The following CYFIP1 variants were observed in gnomAD, a reference collection of about 807,000 sequenced individuals.
CYFIP1 encodes cytoplasmic FMR1-interacting protein 1.
In CYFIP1, 58 loss-of-function variants were observed where a neutral mutation model predicts 163.5. The observed-to-expected ratio is 0.35, with a 90% CI of 0.29 to 0.44. CYFIP1 has a LOEUF of 0.44. Among genes scored for constraint, CYFIP1 ranks in the 20% least tolerant of loss-of-function variants. The probability of loss-of-function intolerance (pLI) is 1.00; values close to 1 mark genes in which losing one functional copy is unlikely to be tolerated. For missense variants in CYFIP1, 1,338 were observed against 1,653.8 expected, an observed-to-expected ratio of 0.81 and a Z score of 3.31; for synonymous variants, 663 against 660.7, an observed-to-expected ratio of 1.00 and a Z score of -0.05.
In CYFIP1 at chr15:22,869,692, A is replaced by C; in HGVS notation, c.*336T>G. On this transcript the variant is annotated 3_prime_UTR_variant, in exon 31 of 31. Transcript: ENST00000617928. ...GTTAATGGTAACTGGCAAGGGATTTAATGCATTTGCTGGTATTAAGTTTCT... is the reference window on the plus strand; with the variant it reads ...GTTAATGGTAACTGGCAAGGGATTTCATGCATTTGCTGGTATTAAGTTTCT... The C allele has an allele frequency of 5.4e-6, 1 of 185,114 alleles. No individual in the cohort carries two copies. The highest frequency in any genetic ancestry group is 1.1e-5 in the Non-Finnish European group (1 of 90,574). The allele number at this position is 185,114 out of a possible 1,614,324, so 11.5% of individuals were successfully genotyped here. A position where few individuals can be genotyped will look rare whatever the true frequency, so the allele number is the denominator to read the frequency against.
Position 22,900,399 on chromosome 15 carries a change from CTT to C in CYFIP1, c.2588+3305_2588+3306del, listed in dbSNP as rs35697922. Among the ~76,000 whole-genome samples, 136 of 135,004 alleles carry C rather than the reference CTT, an allele frequency of 1.0e-3. 4 individuals carry two copies. The South Asian group carries it at 0.01, about 10-fold the overall frequency. The allele number at this position is 135,004 out of a possible 152,430, so 88.6% of individuals were successfully genotyped here. A position where few individuals can be genotyped will look rare whatever the true frequency, so the allele number is the denominator to read the frequency against. On this transcript the variant is annotated intron_variant, in intron 22 of 30. Coordinates refer to ENST00000617928, the MANE Select transcript of CYFIP1 (RefSeq NM_014608.6). ...AACCGTAAGAGAATAAATTTCTGTT[CTT>C]TTTTTTTTTTTTTTTGAGACGGAGT...
chr15:22,908,120 CAG>C (rs962640137), intron 21 of CYFIP1, among the ~76,000 whole-genome samples: 8 of 152,152 alleles, frequency 5.3e-5, no homozygotes, highest in African/African-American at 1.9e-4. Flanking sequence ...GATAGAGACA[CAG>C]GGAAAAATGG....
chr15:22,889,853 C>T (rs538014707), intron 23 of CYFIP1, among the ~76,000 whole-genome samples: 3 of 152,322 alleles, frequency 2.0e-5, no homozygotes, highest in Admixed American at 6.5e-5. Context: ...TATTCTCACT[C>T]GCCAAACTTT....
chr15:22,875,060 C>T, intron 27 of CYFIP1, 139 bp downstream of exon 27: 5 of 730,644 alleles, frequency 6.8e-6, no homozygotes, highest in Middle Eastern at 3.3e-4. Context: ...GTTCTGTACA[C>T]TCCTCATTAC....
intron 30 of CYFIP1, among the ~76,000 whole-genome samples, chr15:22,871,555 T>C (rs2059434080): frequency 6.6e-6 from 1 of 152,168 alleles, no homozygotes. Flanking sequence ...ACCTGGAGCC[T>C]GTGACTGCAT....
At chr15:22,914,211 A>C (rs2060891556) in intron 17 of CYFIP1, among the ~76,000 whole-genome samples, 1 of 152,024 alleles carries the variant, frequency 6.6e-6, no homozygotes, top group South Asian at 2.1e-4. Flanking sequence ...GGGCATGGCC[A>C]CCTCACAGGG....
intron 1 of CYFIP1, among the ~76,000 whole-genome samples, chr15:22,959,464 G>A (rs1399463499): frequency 6.6e-6 from 1 of 152,232 alleles, no homozygotes; most frequent in Non-Finnish European, 1.5e-5. Context: ...CAGAGGGACA[G>A]GGAGCTGCCG....
At chr15:22,958,377 T>A (rs1016283529) in intron 1 of CYFIP1, among the ~76,000 whole-genome samples, 9 of 152,318 alleles carry the variant, frequency 5.9e-5, no homozygotes, top group African/African-American at 1.9e-4. Flanking sequence ...TGAGGTAATC[T>A]GCTTTCTTTA....
chr15:22,920,158 G>GTTT (rs2061124161), intron 13 of CYFIP1, among the ~76,000 whole-genome samples: 1 of 112,902 alleles, frequency 8.9e-6, no homozygotes, highest in Non-Finnish European at 1.7e-5. Context: ...AATTAAGGCA[G>GTTT]CTTTTTTTTT....
rs2060485402 is a variant in CYFIP1 at position 22,903,911 on chromosome 15, G to A, written c.2389-6C>T. 1 of 1,613,460 alleles carries A rather than the reference G, an allele frequency of 6.2e-7. No homozygotes were observed. Among genetic ancestry groups the A allele is most frequent in the Non-Finnish European group, 8.5e-7 (1 of 1,179,722 alleles). ...TCCAACAGGCCATCCAGCTCCTGTG[G>A]CACCAAAGACAGGGGTGGGTGACAG... On this transcript the variant is annotated splice_region_variant and splice_polypyrimidine_tract_variant and intron_variant, in intron 21 of 30. Transcript: ENST00000617928.
chr15:22,938,311 G>C (rs2061779655), intron 8 of CYFIP1, among the ~76,000 whole-genome samples: 1 of 152,202 alleles, frequency 6.6e-6, no homozygotes, highest in African/African-American at 2.4e-5. Context: ...GATAACTTCT[G>C]TCACAAAGCT....
At chr15:22,938,584 G>GA (rs1246056228) in intron 8 of CYFIP1, among the ~76,000 whole-genome samples, 3 of 151,662 alleles carry the variant, frequency 2.0e-5, no homozygotes, top group Admixed American at 1.3e-4. Flanking sequence ...GAGCCTGGGT[G>GA]AAAGAGCAAA....
chr15:22,894,338 G>A (rs540635808), intron 22 of CYFIP1, among the ~76,000 whole-genome samples: 8 of 141,740 alleles, frequency 5.6e-5, no homozygotes, highest in Non-Finnish European at 1.1e-4. Flanking sequence ...TGCCCAGGCT[G>A]GAGTGCTGTG....
At position 22,881,617 on chromosome 15, in the gene CYFIP1, C is replaced by T. The variant is rs577345770; in HGVS notation, c.2911+229G>A. ...GTGGCAATTCTTTCGTAGGGGTGCC[C>T]GAGAGCGTGGTGTTCAGGGGTCTCT... is the stretch of plus-strand genomic sequence containing the variant. On this transcript the variant is annotated intron_variant, in intron 25 of 30. Transcript: ENST00000617928. Among the ~76,000 whole-genome samples the T allele has an allele frequency of 3.3e-5, 5 of 152,150 alleles. No homozygotes were observed. In the East Asian group the frequency reaches 9.7e-4, roughly 29 times the overall value.
At chr15:22,968,060 A>T (rs1170782011) in intron 1 of CYFIP1, among the ~76,000 whole-genome samples, 1 of 152,034 alleles carries the variant, frequency 6.6e-6, no homozygotes, top group Admixed American at 6.6e-5. Context: ...CGCTTGAACC[A>T]GGGAGGTGGA....
At chr15:22,872,544 G>A (rs879238870) in intron 30 of CYFIP1, 19 of 344,552 alleles carry the variant, frequency 5.5e-5, no homozygotes, top group East Asian at 2.5e-4. Flanking sequence ...CCAGGGGCCC[G>A]AAGACTATAG....
rs150343371 is a variant in CYFIP1, at chr15:22,917,575, A to G, written c.1674+213T>C. ...GGAGTCAGACTCCTTTTTAGTGCAC[A>G]TGACACATCTGACAATCAAGGCACG... On this transcript the variant is annotated intron_variant, in intron 15 of 30. Coordinates refer to ENST00000617928, the MANE Select transcript of CYFIP1 (RefSeq NM_014608.6). This position sits in a 1 kb window ranked among gnomAD's most constrained non-coding sequence, Gnocchi z 4.2. 4.8e-6 allele frequency: 3 copies of G among 624,766 alleles called. No individual in the cohort carries two copies. The highest frequency in any genetic ancestry group is 6.3e-5 in the East Asian group (2 of 31,846). 38.7% of individuals were successfully genotyped at this position (624,766 alleles called of 1,614,324 possible).
chr15:22,887,243 CAAAG>C (rs774816376), intron 23 of CYFIP1, among the ~76,000 whole-genome samples: 82 of 152,248 alleles, frequency 5.4e-4, no homozygotes, highest in Non-Finnish European at 4.4e-4. Flanking sequence ...CCCCCCAAAA[CAAAG>C]AGCCAAAACT....
chr15:22,910,454 C>A (rs2060746760), intron 20 of CYFIP1, 66 bp downstream of exon 20: 9 of 1,382,704 alleles, frequency 6.5e-6, no homozygotes, highest in Non-Finnish European at 8.2e-6. Context: ...GCCACCGCAC[C>A]CAGCCGAAAA....
Sources: allele counts gnomAD v4.1 joint callset (sites outside exome capture counted in the v4.1 genomes callset), GRCh38; gene constraint gnomAD v4.1.1; non-coding constraint Gnocchi (gnomAD v3.1); transcripts MANE v1.5; gene names NCBI Gene and HGNC (gene_info 2026-07-23, HGNC 2026-07-21).